Variants in GPHN observed in about 807,000 individuals in gnomAD.
GPHN encodes gephyrin.
Under a neutral mutation model 95.5 loss-of-function variants are expected in GPHN, and 17 were observed. The observed-to-expected ratio is 0.18, with a 90% CI of 0.12 to 0.27. The LOEUF is 0.27. Among genes scored for constraint, GPHN ranks in the 10% least tolerant of loss-of-function variants. GPHN has a pLI of 1.00. For missense variants in GPHN, 660 were observed against 978.1 expected (o/e 0.67, Z 4.34); for synonymous variants, 320 against 322.5 (o/e 0.99, Z 0.08).
chr14:67,484,768 A>G, the GPHN span, among the ~76,000 whole-genome samples: 7 of 152,176 alleles, frequency 4.6e-5, no homozygotes, highest in African/African-American at 1.7e-4. Flanking sequence ...TAATAAAGAA[A>G]AAAAAAGAAA....
rs1171820711 is a variant in GPHN at position 66,916,078 on chromosome 14, C to A, written c.456+9C>A. ...GCAAGAAAGGATCTCAGGTAAATCA[C>A]CTGGACATATTAATGGTTTAGTGTA... On this transcript the variant is annotated intron_variant, in intron 6 of 22. Transcript: ENST00000478722. 1 of 1,547,994 alleles carries A rather than the reference C, an allele frequency of 6.5e-7. No individual in the cohort carries two copies. The highest frequency in any genetic ancestry group is 2.2e-5 in the East Asian group (1 of 44,540).
In GPHN at chr14:66,849,446, A is replaced by G. The variant is rs976050219; in HGVS notation, c.294+24880A>G. ...TCAAAATTGTGAAGTTTCATATTACATATTGCTAAATTACCCTCTTAGAAT... is the reference window on the plus strand; with the variant it reads ...TCAAAATTGTGAAGTTTCATATTACGTATTGCTAAATTACCCTCTTAGAAT... On this transcript the variant is annotated intron_variant, in intron 4 of 22. Transcript: ENST00000478722. Among the ~76,000 whole-genome samples the G allele has an allele frequency of 3.3e-5, 5 of 152,148 alleles. No individual in the cohort carries two copies. The East Asian group carries it at 7.7e-4, about 23-fold the overall frequency.
rs566942390 is a variant in GPHN at position 66,810,143 on chromosome 14, C to T, written c.202-14331C>T. 6.6e-5 allele frequency among the ~76,000 whole-genome samples: 10 copies of T among 151,988 alleles called. No individual in the cohort carries two copies. In the South Asian group the frequency reaches 1.0e-3, roughly 16 times the overall value. On this transcript the variant is annotated intron_variant, in intron 3 of 22. Coordinates refer to ENST00000478722, the MANE Select transcript of GPHN (RefSeq NM_020806.5). Reference sequence around the variant, plus strand: ...CCATCAAATTATTATACTTCTTTAACCTTACTAAAATGAATTTCCTCCACT... The same window carrying T: ...CCATCAAATTATTATACTTCTTTAATCTTACTAAAATGAATTTCCTCCACT...
the GPHN span, among the ~76,000 whole-genome samples, chr14:67,324,653 T>C: frequency 6.6e-6 from 1 of 151,886 alleles, no homozygotes; most frequent in Non-Finnish European, 1.5e-5. Flanking sequence ...GGCATGTTCA[T>C]GGCTCACTGC....
At chr14:67,531,844 T>A in the GPHN span, among the ~76,000 whole-genome samples, 1 of 144,078 alleles carries the variant, frequency 6.9e-6, no homozygotes, top group Admixed American at 7.0e-5. Context: ...GGAGTTCAAG[T>A]TACAGTGAGC....
chr14:67,182,328 G>A (rs1038713905), downstream of GPHN, among the ~76,000 whole-genome samples: 2 of 152,106 alleles, frequency 1.3e-5, no homozygotes, highest in Non-Finnish European at 2.9e-5. Flanking sequence ...TAAAAACTTA[G>A]GGGCACTTTT....
At chr14:67,401,644 C>G in the GPHN span, among the ~76,000 whole-genome samples, 1 of 152,146 alleles carries the variant, frequency 6.6e-6, no homozygotes, top group Non-Finnish European at 1.5e-5. Flanking sequence ...TTAGAAGAAA[C>G]CAAACTGCTG....
intron 1 of GPHN, among the ~76,000 whole-genome samples, chr14:66,543,818 A>G (rs12232152): frequency 0.26 from 38,957 of 152,014 alleles, 9,817 homozygotes; most frequent in African/African-American, 0.62. Flanking sequence ...GGTTCAAACC[A>G]CCATTATCTC....
intron 10 of GPHN, among the ~76,000 whole-genome samples, chr14:67,054,567 C>A (rs1049177238): frequency 3.3e-5 from 5 of 152,094 alleles, no homozygotes; most frequent in African/African-American, 1.2e-4. Context: ...ATTAAACTAC[C>A]CTTGACATTT....
chr14:66,514,940 C>T (rs895002735), intron 1 of GPHN, among the ~76,000 whole-genome samples: 1 of 152,052 alleles, frequency 6.6e-6, no homozygotes, highest in African/African-American at 2.4e-5. Flanking sequence ...GGACTTCAGA[C>T]CCTCATTTGC....
chr14:67,606,632 G>T, the GPHN span, among the ~76,000 whole-genome samples: 3,848 of 152,052 alleles, frequency 0.025, 151 homozygotes, highest in African/African-American at 0.087. Flanking sequence ...CCTGGTTTTT[G>T]TTGTTGTTGT....
At chr14:67,549,700 G>C in the GPHN span, among the ~76,000 whole-genome samples, 4 of 152,170 alleles carry the variant, frequency 2.6e-5, no homozygotes, top group Admixed American at 6.5e-5. Flanking sequence ...GTGCTGATGG[G>C]GCTACGGCTC....
rs953781693 is a variant in GPHN at position 66,611,875 on chromosome 14, A to G, written c.65-69232A>G. ...CATACTATTCTTCACTGCTAGATGAAAGTTTCTAAAGTTTAGCTCTTATCC... is the reference window on the plus strand; with the variant it reads ...CATACTATTCTTCACTGCTAGATGAGAGTTTCTAAAGTTTAGCTCTTATCC... On this transcript the variant is annotated intron_variant, in intron 1 of 22. Transcript: ENST00000478722. Among the ~76,000 whole-genome samples the G allele has an allele frequency of 1.2e-4, 18 of 152,094 alleles. 1 individual carries two copies. The highest frequency in any genetic ancestry group is 6.6e-4 in the Admixed American group (10 of 15,254).
chr14:66,744,723 G>A (rs1186323113), intron 2 of GPHN, among the ~76,000 whole-genome samples: 2 of 152,140 alleles, frequency 1.3e-5, no homozygotes, highest in African/African-American at 4.8e-5. Context: ...TGTTATTAGA[G>A]ACAAATACAA....
At chr14:67,349,114 A>C in the GPHN span, 63 of 1,613,278 alleles carry the variant, frequency 3.9e-5, no homozygotes, top group Admixed American at 1.0e-3. Flanking sequence ...GCTGCAGAAA[A>C]AGAGAAAGAC....
chr14:67,180,744 A>G, intron 22 of GPHN, 60 bp from the exon 23 acceptor site: 2 of 1,536,706 alleles, frequency 1.3e-6, no homozygotes, highest in Non-Finnish European at 1.8e-6. Context: ...AAGGTCTACA[A>G]GGGCCCAACT....
chr14:66,588,239 C>T (rs1240101134), intron 1 of GPHN, among the ~76,000 whole-genome samples: 1 of 151,672 alleles, frequency 6.6e-6, no homozygotes, highest in Non-Finnish European at 1.5e-5. Flanking sequence ...CCTAAGGTCA[C>T]CAACATCAAA....
At chr14:66,586,907 C>T (rs1224529581) in intron 1 of GPHN, among the ~76,000 whole-genome samples, 1 of 151,754 alleles carries the variant, frequency 6.6e-6, no homozygotes, top group Non-Finnish European at 1.5e-5. Context: ...AAGGTCAGAA[C>T]AGAAATAAGT....
At chr14:67,592,653 T>C in the GPHN span, 1 of 1,597,642 alleles carries the variant, frequency 6.3e-7, no homozygotes, top group Non-Finnish European at 8.6e-7. Context: ...CGGGTACTAC[T>C]TGGGATATCC....
Sources: allele counts gnomAD v4.1 joint callset (sites outside exome capture counted in the v4.1 genomes callset), GRCh38; gene constraint gnomAD v4.1.1; transcripts MANE v1.5; gene names NCBI Gene and HGNC (gene_info 2026-07-23, HGNC 2026-07-21).